The following PAM variants were observed in gnomAD, a reference collection of about 807,000 sequenced individuals.
The protein encoded by PAM is peptidylglycine alpha-amidating monooxygenase.
A neutral mutation model predicts 122.1 loss-of-function variants in PAM; 72 were observed. The ratio of observed to expected loss-of-function variants is 0.59; its 90% CI spans 0.49 to 0.72. The LOEUF is 0.72. Ranked by LOEUF, PAM falls within the 30% of genes least tolerant of loss-of-function variation. PAM has a pLI of 0.00. For synonymous variants in PAM, 389 were observed against 404.4 expected, an observed-to-expected ratio of 0.96 and a Z score of 0.46; for missense variants, 1,106 against 1,183.7, an observed-to-expected ratio of 0.93 and a Z score of 0.96.
intron 3 of PAM, among the ~76,000 whole-genome samples, chr5:102,874,867 G>A (rs905303992): frequency 2.6e-5 from 4 of 152,062 alleles, no homozygotes; most frequent in Admixed American, 6.6e-5. Context: ...TGTGTTCAAG[G>A]CATTATTATC....
At chr5:102,759,867 A>T (rs746917808) in intron 1 of PAM, among the ~76,000 whole-genome samples, 1 of 152,176 alleles carries the variant, frequency 6.6e-6, no homozygotes, top group Non-Finnish European at 1.5e-5. Context: ...TAGCTACTGT[A>T]TAGAGAATGA....
intron 17 of PAM, 48 bp downstream of exon 17, chr5:103,003,197 G>A: frequency 1.2e-6 from 1 of 845,812 alleles, no homozygotes; most frequent in South Asian, 1.4e-5. Flanking sequence ...CATATATTGA[G>A]TATAAAGTGT....
intron 1 of PAM, among the ~76,000 whole-genome samples, chr5:102,803,223 A>T (rs1355374560): frequency 8.7e-6 from 1 of 115,516 alleles, no homozygotes; most frequent in Non-Finnish European, 1.9e-5. Context: ...GGAAGGAAGG[A>T]AGGAAGGAAG....
At chr5:102,909,251 A>G (rs1289455321) in intron 4 of PAM, among the ~76,000 whole-genome samples, 2 of 151,846 alleles carry the variant, frequency 1.3e-5, no homozygotes, top group Non-Finnish European at 2.9e-5. Flanking sequence ...TGCCTGCCTC[A>G]GATCTCAGCA....
At chr5:103,028,283 C>A (rs752643453) in intron 25 of PAM, 45 bp downstream of exon 25, 7 of 1,290,470 alleles carry the variant, frequency 5.4e-6, no homozygotes, top group South Asian at 1.2e-5. Flanking sequence ...GGTTCAAAGT[C>A]AACAAGCACA....
chr5:103,001,465 AT>A (rs1170020362), intron 16 of PAM, among the ~76,000 whole-genome samples: 1 of 151,984 alleles, frequency 6.6e-6, no homozygotes, highest in South Asian at 2.1e-4. Flanking sequence ...TCATAAATTT[AT>A]TTTTTTCTAG....
At chr5:102,756,136 G>A (rs1750245973) in intron 1 of PAM, among the ~76,000 whole-genome samples, 2 of 152,180 alleles carry the variant, frequency 1.3e-5, no homozygotes, top group South Asian at 4.1e-4. Flanking sequence ...GGGCTCCCTT[G>A]GGATGACTTA....
At chr5:102,844,350 C>A (rs1181317792) in intron 1 of PAM, among the ~76,000 whole-genome samples, 1 of 152,150 alleles carries the variant, frequency 6.6e-6, no homozygotes, top group Non-Finnish European at 1.5e-5. Flanking sequence ...CATGTGGGAT[C>A]TCTCTGTACT....
Position 103,028,208 on chromosome 5 carries a change from A to G in PAM, c.2713A>G (p.Ser905Gly). 2 of 1,612,830 alleles carry G rather than the reference A, an allele frequency of 1.2e-6. No homozygotes were observed. The highest frequency in any genetic ancestry group is 8.5e-7 in the Non-Finnish European group (1 of 1,178,954). ...AGATTCTGAACACAAACTCGAGACG[A>G]GTTCAGGAAGAGTACTGGGAAGATT... Reference protein sequence around the residue: ...FGDSEHKLETSSGRVLGRFRG... With the variant: ...FGDSEHKLETGSGRVLGRFRG... The change falls in exon 25 of 26, where the codon AGT (serine) becomes GGT (glycine). Residue 905 changes from serine (S) to glycine (G), a missense_variant. Around this residue, in one of 3 missense-constraint regions of PAM, gnomAD observed 333 missense variants for 335.6 expected, o/e 0.99. Coordinates refer to ENST00000438793, the MANE Select transcript of PAM (RefSeq NM_001177306.2).
chr5:102,830,466 T>C (rs1418185738), intron 1 of PAM, among the ~76,000 whole-genome samples: 1 of 152,182 alleles, frequency 6.6e-6, no homozygotes. Flanking sequence ...GAGCTTTTCA[T>C]AGGGTTTTTC....
chr5:102,773,135 A>G (rs1257900178), intron 1 of PAM, among the ~76,000 whole-genome samples: 3 of 152,154 alleles, frequency 2.0e-5, no homozygotes, highest in African/African-American at 7.2e-5. Context: ...TAGGAGGCCT[A>G]GAGTCAGACT....
Position 103,010,002 on chromosome 5 carries a change from G to A in PAM, c.2331+136G>A. The A allele has an allele frequency of 1.4e-5, 5 of 364,470 alleles. No individual in the cohort carries two copies. The South Asian group carries it at 3.9e-4, about 28-fold the overall frequency. The allele number at this position is 364,470 out of a possible 1,614,324, so 22.6% of individuals were successfully genotyped here. A position where few individuals can be genotyped will look rare whatever the true frequency, so the allele number is the denominator to read the frequency against. On this transcript the variant is annotated intron_variant, in intron 21 of 25. Transcript: ENST00000438793. ...TGATAACTTTCTTAGCAAGGTTGAT[G>A]GGAGTGTTCTATTTTATTTTTTATT... is the stretch of plus-strand genomic sequence containing the variant.
chr5:102,832,250 T>C (rs1307818465), intron 1 of PAM, among the ~76,000 whole-genome samples: 1 of 152,164 alleles, frequency 6.6e-6, no homozygotes, highest in Non-Finnish European at 1.5e-5. Context: ...TAGCATCCTT[T>C]TAAGGCAGAT....
intron 4 of PAM, among the ~76,000 whole-genome samples, chr5:102,911,868 A>G (rs945688928): frequency 1.3e-5 from 2 of 152,004 alleles, no homozygotes; most frequent in Non-Finnish European, 2.9e-5. Flanking sequence ...ATACCCTGAC[A>G]GCCCTGGGCT....
At chr5:102,992,668 T>A (rs1774481373) in intron 16 of PAM, among the ~76,000 whole-genome samples, 1 of 152,094 alleles carries the variant, frequency 6.6e-6, no homozygotes, top group Admixed American at 6.6e-5. Context: ...AGTACCTTCC[T>A]GTGGAATTTA....
At chr5:102,946,767 A>G (rs1432835879) in intron 7 of PAM, 70 bp from the exon 8 acceptor site, 24 of 887,582 alleles carry the variant, frequency 2.7e-5, no homozygotes, top group Admixed American at 8.0e-5. Context: ...AATCATTTCT[A>G]TCTTACTAGT....
At chr5:102,971,929 T>C (rs543537691) in intron 14 of PAM, among the ~76,000 whole-genome samples, 1 of 152,320 alleles carries the variant, frequency 6.6e-6, no homozygotes, top group African/African-American at 2.4e-5. Flanking sequence ...AAGATGTTTG[T>C]ACAGATTCTG....
At chr5:102,879,717 A>G (rs1385447071) in intron 3 of PAM, among the ~76,000 whole-genome samples, 2 of 152,140 alleles carry the variant, frequency 1.3e-5, no homozygotes, top group East Asian at 3.8e-4. Flanking sequence ...TTCTTTATAA[A>G]TTACCTAGTC....
chr5:102,949,534 C>T lies in PAM; in HGVS notation c.644-3C>T. ...CTTTTGTCTGTGTTTTCATTTCCCACAGTGGTGAATTCTGACATTTCATGC... is the reference window on the plus strand; with the variant it reads ...CTTTTGTCTGTGTTTTCATTTCCCATAGTGGTGAATTCTGACATTTCATGC... On this transcript the variant is annotated splice_region_variant and splice_polypyrimidine_tract_variant and intron_variant, in intron 9 of 25. Coordinates refer to ENST00000438793, the MANE Select transcript of PAM (RefSeq NM_001177306.2). 1 of 1,445,672 alleles carries T rather than the reference C, an allele frequency of 6.9e-7. No individual in the cohort carries two copies. The highest frequency in any genetic ancestry group is 1.4e-5 in the African/African-American group (1 of 71,832). The allele number at this position is 1,445,672 out of a possible 1,614,324, so 89.6% of individuals were successfully genotyped here.
Sources: allele counts gnomAD v4.1 joint callset (sites outside exome capture counted in the v4.1 genomes callset), GRCh38; gene constraint gnomAD v4.1.1; regional missense constraint gnomAD v4.1.1; transcripts MANE v1.5; gene names NCBI Gene and HGNC (gene_info 2026-07-23, HGNC 2026-07-21).